RBFOX1: variants seen among roughly 807,000 people sequenced by gnomAD.
The protein encoded by RBFOX1 is RNA binding fox-1 homolog 1, also known as RNA binding protein fox-1 homolog 1.
A neutral mutation model predicts 57.7 loss-of-function variants in RBFOX1; 8 were observed. The observed-to-expected ratio is 0.14, with a 90% CI of 0.08 to 0.25. RBFOX1 has a LOEUF of 0.25. Among genes scored for constraint, RBFOX1 ranks in the 10% least tolerant of loss-of-function variants. The pLI is 1.00. For missense variants in RBFOX1, 611 were observed against 548.5 expected (o/e 1.11, Z -1.14); for synonymous variants, 326 against 222.4 (o/e 1.47, Z -4.15).
chr16:6,909,175 G>A (rs2070885222), intron 3 of RBFOX1, among the ~76,000 whole-genome samples: 1 of 152,184 alleles, frequency 6.6e-6, no homozygotes, highest in East Asian at 1.9e-4. Flanking sequence ...TCTTCTGGAG[G>A]TTCTTTGGGA....
At chr16:6,171,221 T>C (rs1403750629) in intron 1 of RBFOX1, among the ~76,000 whole-genome samples, 2 of 152,232 alleles carry the variant, frequency 1.3e-5, no homozygotes, top group African/African-American at 4.8e-5. Flanking sequence ...GTAAAACATA[T>C]GTGGGATGAT....
chr16:7,187,565 T>C (rs28412075), intron 4 of RBFOX1, among the ~76,000 whole-genome samples: 6,447 of 150,948 alleles, frequency 0.043, 453 homozygotes, highest in African/African-American at 0.15. Flanking sequence ...GGCGGGCGCC[T>C]GTAGTCCCAC....
intron 3 of RBFOX1, among the ~76,000 whole-genome samples, chr16:6,677,143 G>A (rs1603355793): frequency 6.6e-6 from 1 of 152,218 alleles, no homozygotes; most frequent in East Asian, 1.9e-4. Context: ...TTTTTCAGAT[G>A]ATGAAATAGA....
At chr16:5,747,448 C>A (rs186354198) in intron 3 of RBFOX1, among the ~76,000 whole-genome samples, 3 of 152,114 alleles carry the variant, frequency 2.0e-5, no homozygotes, top group Admixed American at 6.5e-5. Flanking sequence ...GGACTAGTTT[C>A]GGAAGGAATG....
chr16:6,774,453 T>C (rs937591717), intron 3 of RBFOX1, among the ~76,000 whole-genome samples: 1 of 152,124 alleles, frequency 6.6e-6, no homozygotes, highest in Admixed American at 6.6e-5. Context: ...GCAAATTAAA[T>C]ATCAACAACC....
At chr16:6,942,790 A>G (rs956941777) in intron 3 of RBFOX1, among the ~76,000 whole-genome samples, 6 of 152,232 alleles carry the variant, frequency 3.9e-5, no homozygotes, top group South Asian at 2.1e-4. Flanking sequence ...GTTTTTATAT[A>G]TTGTCTCCAA....
intron 2 of RBFOX1, among the ~76,000 whole-genome samples, chr16:5,530,999 C>A (rs1470947944): frequency 6.8e-6 from 1 of 147,624 alleles, no homozygotes; most frequent in African/African-American, 2.5e-5. Flanking sequence ...GTGGCAGGCA[C>A]CTGTAGTCCC....
chr16:7,630,490 TG>T, intron 10 of RBFOX1, 112 bp from the exon 11 acceptor site: 1 of 1,541,654 alleles, frequency 6.5e-7, no homozygotes, highest in South Asian at 1.2e-5. Context: ...TCCTGCGCTC[TG>T]GGATGTGGCT....
chr16:6,755,795 T>G (rs2075696122), intron 3 of RBFOX1, among the ~76,000 whole-genome samples: 1 of 152,208 alleles, frequency 6.6e-6, no homozygotes, highest in African/African-American at 2.4e-5. Context: ...TTCTTTTAAC[T>G]GTTGCCCCTA....
At chr16:6,846,479 G>C (rs2093760345) in intron 3 of RBFOX1, among the ~76,000 whole-genome samples, 1 of 152,182 alleles carries the variant, frequency 6.6e-6, no homozygotes, top group Non-Finnish European at 1.5e-5. Flanking sequence ...TAATGAGGGA[G>C]AGAAAAATAA....
At chr16:5,729,391 C>A (rs79534673) in intron 3 of RBFOX1, among the ~76,000 whole-genome samples, 5 of 100,402 alleles carry the variant, frequency 5.0e-5, no homozygotes, top group South Asian at 3.7e-4. Context: ...TTTTTTTTTT[C>A]TTTTCTTTTT....
At chr16:5,815,137 G>A (rs867384061) in intron 3 of RBFOX1, among the ~76,000 whole-genome samples, 2 of 149,482 alleles carry the variant, frequency 1.3e-5, no homozygotes, top group African/African-American at 2.5e-5. Context: ...GCATCACCAG[G>A]CCTGGCTAAT....
intron 3 of RBFOX1, among the ~76,000 whole-genome samples, chr16:5,828,257 G>A (rs1437202773): frequency 3.3e-5 from 5 of 152,098 alleles, no homozygotes; most frequent in Non-Finnish European, 7.3e-5. Context: ...CCATCCATGT[G>A]TGGGAGAGCA....
At chr16:6,389,842 G>T (rs2092504851) in intron 2 of RBFOX1, among the ~76,000 whole-genome samples, 1 of 152,262 alleles carries the variant, frequency 6.6e-6, no homozygotes, top group East Asian at 1.9e-4. Context: ...AATTGATGCT[G>T]TCTTCCCAGT....
chr16:6,374,824 A>G (rs531054077), intron 2 of RBFOX1, among the ~76,000 whole-genome samples: 58 of 152,336 alleles, frequency 3.8e-4, no homozygotes, highest in Non-Finnish European at 7.6e-4. Context: ...TTTTATTCTT[A>G]ATCTGTGAAC....
chr16:5,891,845 C>G (rs972853159), intron 4 of RBFOX1, among the ~76,000 whole-genome samples: 35 of 152,162 alleles, frequency 2.3e-4, no homozygotes, highest in African/African-American at 8.4e-4. Flanking sequence ...CTTGGAGACC[C>G]TCCATCCTGT....
In RBFOX1 at chr16:6,730,949, A is replaced by G. The variant is rs11861313; in HGVS notation, c.-16+76299A>G. 5.3e-3 allele frequency among the ~76,000 whole-genome samples: 814 copies of G among 152,298 alleles called. 9 individuals carry two copies. Among genetic ancestry groups the G allele is most frequent in the African/African-American group, 0.018 (735 of 41,570 alleles). ...GACAGGTTCCCCAGCTAGCTCCACAATGATCAAGAAACAGCAGTGAGGAAA... is the reference window on the plus strand; with the variant it reads ...GACAGGTTCCCCAGCTAGCTCCACAGTGATCAAGAAACAGCAGTGAGGAAA... On this transcript the variant is annotated intron_variant, in intron 3 of 15. Coordinates refer to ENST00000550418, the MANE Select transcript of RBFOX1 (RefSeq NM_018723.4).
chr16:6,629,647 C>G (rs1567954206), intron 2 of RBFOX1, among the ~76,000 whole-genome samples: 1 of 152,078 alleles, frequency 6.6e-6, no homozygotes, highest in Non-Finnish European at 1.5e-5. Context: ...AGCCCCTTAA[C>G]TGGAGATGAC....
chr16:6,813,533 A>T (rs940875210), intron 3 of RBFOX1, among the ~76,000 whole-genome samples: 1 of 152,108 alleles, frequency 6.6e-6, no homozygotes, highest in African/African-American at 2.4e-5. Flanking sequence ...CTGGTCCCTA[A>T]AGTAGCTTTG....
Sources: gnomAD v4.1 joint callset for allele counts (sites outside exome capture counted in the v4.1 genomes callset) on GRCh38, gnomAD v4.1.1 for gene constraint, MANE v1.5 for transcripts, NCBI Gene and HGNC (gene_info 2026-07-23, HGNC 2026-07-21) for gene names.